The following CNOT2 variants were observed in gnomAD, a reference collection of about 807,000 sequenced individuals.
The protein encoded by CNOT2 is CC chemokine receptor 4-negative regulator of transcription 2.
Under a neutral mutation model 72.1 loss-of-function variants are expected in CNOT2, and 7 were observed. The ratio of observed to expected loss-of-function variants is 0.10; its 90% CI spans 0.06 to 0.18. The LOEUF (loss-of-function observed/expected upper bound fraction) is 0.18. Among genes scored for constraint, CNOT2 ranks in the 10% least tolerant of loss-of-function variants. The probability of loss-of-function intolerance (pLI) is 1.00; values close to 1 mark genes in which losing one functional copy is unlikely to be tolerated. For missense variants in CNOT2, 345 were observed against 660.3 expected (o/e 0.52, Z 5.23); for synonymous variants, 196 against 225.6 (o/e 0.87, Z 1.17).
intron 2 of CNOT2, among the ~76,000 whole-genome samples, chr12:70,309,330 A>G (rs1027836904): frequency 6.6e-6 from 1 of 152,218 alleles, no homozygotes; most frequent in Non-Finnish European, 1.5e-5. Context: ...ATAGCAAAGT[A>G]ATAGGTTAGC....
chr12:70,347,013 T>TATA (rs1425195375), intron 15 of CNOT2, among the ~76,000 whole-genome samples: 1 of 152,058 alleles, frequency 6.6e-6, no homozygotes, highest in Non-Finnish European at 1.5e-5. Flanking sequence ...GTGGAGAGAA[T>TATA]ATATTCTCTC....
At chr12:70,319,462 G>T in intron 4 of CNOT2, 98 bp downstream of exon 4, 1 of 1,175,562 alleles carries the variant, frequency 8.5e-7, no homozygotes, top group Non-Finnish European at 1.2e-6. Flanking sequence ...TGGGTTTATT[G>T]TATGACTTAA....
intron 2 of CNOT2, among the ~76,000 whole-genome samples, chr12:70,309,465 G>C (rs1022275938): frequency 2.6e-5 from 4 of 152,028 alleles, no homozygotes; most frequent in African/African-American, 9.7e-5. Context: ...ATATTAAACA[G>C]CATGGGTGCT....
intron 2 of CNOT2, among the ~76,000 whole-genome samples, chr12:70,280,088 T>C (rs1869563089): frequency 6.6e-6 from 1 of 152,198 alleles, no homozygotes; most frequent in African/African-American, 2.4e-5. Context: ...TTCAAAGGAA[T>C]GTTCATCACT....
chr12:70,322,985 A>G (rs1043109501), intron 4 of CNOT2: 1 of 151,766 alleles, frequency 6.6e-6, no homozygotes, highest in African/African-American at 2.4e-5. Flanking sequence ...ACAGCCTGTG[A>G]TGCTAACACA....
At chr12:70,324,550 G>A (rs972723627) in intron 4 of CNOT2, among the ~76,000 whole-genome samples, 1 of 151,786 alleles carries the variant, frequency 6.6e-6, no homozygotes, top group Admixed American at 6.6e-5. Flanking sequence ...GTGAATGAGT[G>A]CCACTAATCT....
At chr12:70,292,945 A>G (rs1051948697) in intron 2 of CNOT2, among the ~76,000 whole-genome samples, 6 of 152,140 alleles carry the variant, frequency 3.9e-5, no homozygotes, top group Admixed American at 3.3e-4. Context: ...ATAAATTAGG[A>G]TTCTGATACC....
chr12:70,270,281 A>G (rs1323960253), intron 1 of CNOT2, among the ~76,000 whole-genome samples: 2 of 152,156 alleles, frequency 1.3e-5, no homozygotes, highest in African/African-American at 4.8e-5. Flanking sequence ...TCCTTAGTAT[A>G]ACACATGATA....
At chr12:70,292,091 A>G (rs1872015343) in intron 2 of CNOT2, among the ~76,000 whole-genome samples, 1 of 152,214 alleles carries the variant, frequency 6.6e-6, no homozygotes, top group South Asian at 2.1e-4. Context: ...AGAGAAAACT[A>G]GTAGTTTACA....
chr12:70,335,161 T>C (rs1182795853), intron 7 of CNOT2: 1 of 224,982 alleles, frequency 4.4e-6, no homozygotes. Context: ...CCATCTTCCA[T>C]GGGGGAAATA....
intron 4 of CNOT2, among the ~76,000 whole-genome samples, chr12:70,319,701 GT>G (rs1319308000): frequency 6.6e-6 from 1 of 150,598 alleles, no homozygotes; most frequent in Non-Finnish European, 1.5e-5. Flanking sequence ...AGCTTTTTTA[GT>G]TTATTTGACT....
At chr12:70,260,134 T>C (rs1057109728) in intron 1 of CNOT2, among the ~76,000 whole-genome samples, 4 of 152,202 alleles carry the variant, frequency 2.6e-5, no homozygotes, top group African/African-American at 9.7e-5. Context: ...TATTAGTATC[T>C]GCTCCATGAA....
At chr12:70,259,218 G>T (rs577123153) in intron 1 of CNOT2, among the ~76,000 whole-genome samples, 92 of 152,020 alleles carry the variant, frequency 6.1e-4, no homozygotes, top group Non-Finnish European at 6.0e-4. Flanking sequence ...TACTGTTCTT[G>T]TTCAAGCATA....
chr12:70,335,232 G>T lies in CNOT2; in HGVS notation c.650-206G>T, dbSNP rs969044112. ...TTGGGGTTTCTATTATGCTGGTTGC[G>T]TATTCCTTTGCTAAATTGTTCATGG... On this transcript the variant is annotated intron_variant, in intron 7 of 15. Coordinates refer to ENST00000229195, the MANE Select transcript of CNOT2 (RefSeq NM_014515.7). The T allele has an allele frequency of 7.5e-5, 32 of 426,912 alleles. No individual in the cohort carries two copies. The East Asian group carries it at 1.2e-3, about 16-fold the overall frequency. The allele number at this position is 426,912 out of a possible 1,614,324, so 26.4% of individuals were successfully genotyped here.
intron 1 of CNOT2, among the ~76,000 whole-genome samples, chr12:70,255,632 A>G (rs959351833): frequency 3.9e-5 from 6 of 152,176 alleles, no homozygotes; most frequent in South Asian, 2.1e-4. Flanking sequence ...CTAGTTGCTG[A>G]CATTAAGTAT....
chr12:70,304,618 G>T (rs192064451), intron 2 of CNOT2, among the ~76,000 whole-genome samples: 2 of 152,322 alleles, frequency 1.3e-5, no homozygotes, highest in Non-Finnish European at 2.9e-5. Flanking sequence ...CTACTGGGGG[G>T]TCAGGGACCC....
intron 2 of CNOT2, among the ~76,000 whole-genome samples, chr12:70,281,084 C>CTTTTTTTTTTTTTTTTTTT (rs200263074): frequency 2.1e-5 from 3 of 141,058 alleles, no homozygotes; most frequent in Non-Finnish European, 3.1e-5. Flanking sequence ...ATGGCTTTCC[C>CTTTTTTTTTTTTTTTTTTT]TTTTTTTTTT....
At chr12:70,306,453 G>C (rs1875408525) in intron 2 of CNOT2, among the ~76,000 whole-genome samples, 1 of 152,250 alleles carries the variant, frequency 6.6e-6, no homozygotes, top group African/African-American at 2.4e-5. Context: ...CACCATTCCT[G>C]ACCTCTGTTT....
intron 4 of CNOT2, 138 bp downstream of exon 4, chr12:70,319,502 A>C (rs1877926292): frequency 1.3e-6 from 1 of 788,040 alleles, no homozygotes; most frequent in African/African-American, 1.7e-5. Flanking sequence ...TCAGAGTTTT[A>C]TTTTACTTAC....
Sources: gnomAD v4.1 joint callset for allele counts (sites outside exome capture counted in the v4.1 genomes callset) on GRCh38, gnomAD v4.1.1 for gene constraint, MANE v1.5 for transcripts, NCBI Gene and HGNC (gene_info 2026-07-23, HGNC 2026-07-21) for gene names.